VAV3: variants seen among roughly 807,000 people sequenced by gnomAD.
VAV3 encodes guanine nucleotide exchange factor VAV3.
A neutral mutation model predicts 131.2 loss-of-function variants in VAV3; 94 were observed. That is an observed-to-expected ratio of 0.72 (90% CI 0.61 to 0.85). The LOEUF (loss-of-function observed/expected upper bound fraction) is 0.85, where lower values mean the gene tolerates loss of function less well. Ranked by LOEUF, VAV3 falls within the 40% of genes least tolerant of loss-of-function variation. The probability of loss-of-function intolerance (pLI) is 0.00; values close to 1 mark genes in which losing one functional copy is unlikely to be tolerated. For synonymous variants in VAV3, 349 were observed against 342.0 expected (o/e 1.02, Z -0.22); for missense variants, 939 against 1,002.7 (o/e 0.94, Z 0.86).
At chr1:107,803,284 T>A (rs1047490032) in intron 2 of VAV3, among the ~76,000 whole-genome samples, 1 of 152,014 alleles carries the variant, frequency 6.6e-6, no homozygotes, top group Admixed American at 6.6e-5. Flanking sequence ...GAAAACCAAC[T>A]TTTCATTTTT....
chr1:107,684,995 C>T lies in VAV3; in HGVS notation c.1732-1462G>A, dbSNP rs72977609. On this transcript the variant is annotated intron_variant, in intron 18 of 26. Coordinates refer to ENST00000370056, the MANE Select transcript of VAV3 (RefSeq NM_006113.5). ...ATTTACTTGCTACATATCCCATCAT[C>T]TTCTTAATGCACAATAGAAGCTGTC... Among the ~76,000 whole-genome samples, 586 of 152,270 alleles carry T rather than the reference C, an allele frequency of 3.8e-3. 6 individuals are homozygous for T. The highest frequency in any genetic ancestry group is 0.013 in the African/African-American group (553 of 41,558).
intron 26 of VAV3, 105 bp downstream of exon 26, chr1:107,573,942 G>GCTGTAATACAGTATAGAGGCTTCTCTATA: frequency 1.4e-6 from 2 of 1,432,412 alleles, no homozygotes; most frequent in Non-Finnish European, 1.9e-6. Flanking sequence ...TGGGCTGAAA[G>GCTGTAATACAGTATAGAGGCTTCTCTATA]CTGTAATACA....
At chr1:107,944,456 G>T (rs1362354181) in intron 1 of VAV3, among the ~76,000 whole-genome samples, 1 of 152,182 alleles carries the variant, frequency 6.6e-6, no homozygotes, top group Non-Finnish European at 1.5e-5. Context: ...GGGAGAGTGT[G>T]TATCCTCCAA....
chr1:107,744,110 G>A (rs949422205), intron 15 of VAV3, among the ~76,000 whole-genome samples: 2 of 152,174 alleles, frequency 1.3e-5, no homozygotes, highest in African/African-American at 2.4e-5. Flanking sequence ...AGGGGCTGCC[G>A]CTCCGGATGA....
chr1:107,870,028 C>T lies in VAV3; in HGVS notation c.321+4873G>A, dbSNP rs144750845. Among the ~76,000 whole-genome samples the T allele has an allele frequency of 5.5e-3, 840 of 152,226 alleles. 11 individuals are homozygous for T. The highest frequency in any genetic ancestry group is 0.019 in the African/African-American group (787 of 41,528). On this transcript the variant is annotated intron_variant, in intron 2 of 26. Transcript: ENST00000370056. ...CCGTCATATATACAATTTCTTTATC[C>T]ACATTGATTGACGGGCATTTGGGCT... is the stretch of plus-strand genomic sequence containing the variant.
intron 19 of VAV3, among the ~76,000 whole-genome samples, chr1:107,664,060 T>C (rs1657232891): frequency 6.6e-6 from 1 of 152,212 alleles, no homozygotes; most frequent in Non-Finnish European, 1.5e-5. Flanking sequence ...GCTGGCTCAT[T>C]AACAAACCAT....
intron 17 of VAV3, among the ~76,000 whole-genome samples, chr1:107,691,734 G>T (rs1446431601): frequency 2.0e-5 from 3 of 152,048 alleles, no homozygotes; most frequent in African/African-American, 7.2e-5. Context: ...CCCTCAAGGG[G>T]TTTATACCTT....
rs144382987 is a variant in VAV3, at chr1:107,862,451, T to C, written c.321+12450A>G. Among the ~76,000 whole-genome samples, 353 of 151,450 alleles carry C rather than the reference T, an allele frequency of 2.3e-3. 9 individuals carry two copies. Among genetic ancestry groups the C allele is most frequent in the Non-Finnish European group, 4.2e-3 (286 of 67,754 alleles). ...CAGAAAATAAACATGGAAAGTGCCA[T>C]CCTCCTTTTCTAGGAGATCTTGTTG... On this transcript the variant is annotated intron_variant, in intron 2 of 26. Transcript: ENST00000370056.
At chr1:107,798,555 TA>T (rs1009979513) in intron 2 of VAV3, among the ~76,000 whole-genome samples, 21 of 151,694 alleles carry the variant, frequency 1.4e-4, no homozygotes, top group African/African-American at 5.1e-4. Context: ...TCATCTCTAC[TA>T]AAAATACAAA....
At chr1:107,807,021 C>A (rs1557859052) in intron 2 of VAV3, among the ~76,000 whole-genome samples, 1 of 152,138 alleles carries the variant, frequency 6.6e-6, no homozygotes, top group African/African-American at 2.4e-5. Flanking sequence ...AAAGGATGTA[C>A]GTGTTCAGTA....
intron 22 of VAV3, 113 bp downstream of exon 22, chr1:107,609,818 T>C (rs1179132801): frequency 1.8e-6 from 2 of 1,114,874 alleles, no homozygotes; most frequent in Non-Finnish European, 2.6e-6. Flanking sequence ...TGAAAACACC[T>C]TTAGCCGAGA....
intron 1 of VAV3, among the ~76,000 whole-genome samples, chr1:107,949,128 A>T (rs899657748): frequency 6.6e-6 from 1 of 152,238 alleles, no homozygotes; most frequent in Non-Finnish European, 1.5e-5. Flanking sequence ...ATTAATTAAA[A>T]GCCCTTAGGC....
intron 2 of VAV3, among the ~76,000 whole-genome samples, chr1:107,867,582 A>T (rs1670057391): frequency 6.6e-6 from 1 of 152,298 alleles, no homozygotes; most frequent in African/African-American, 2.4e-5. Context: ...AAAAAAAGGT[A>T]GCCTTGGAAC....
At chr1:107,808,801 G>T (rs1037297473) in intron 2 of VAV3, among the ~76,000 whole-genome samples, 1 of 152,136 alleles carries the variant, frequency 6.6e-6, no homozygotes, top group African/African-American at 2.4e-5. Context: ...TTGAACAAAT[G>T]AAGTTTTTTT....
At chr1:107,952,785 C>G (rs560958708) in intron 1 of VAV3, among the ~76,000 whole-genome samples, 1 of 152,144 alleles carries the variant, frequency 6.6e-6, no homozygotes, top group South Asian at 2.1e-4. Context: ...TTTGAATACC[C>G]AGCATCTACT....
Position 107,772,742 on chromosome 1 carries a change from T to A in VAV3, c.548A>T (p.His183Leu). 1 of 1,613,054 alleles carries A rather than the reference T, an allele frequency of 6.2e-7. No individual in the cohort carries two copies. Reference protein sequence around the residue: ...YEDLMKAEEAHQPKCPENDIR... With the variant: ...YEDLMKAEEALQPKCPENDIR... ...AACAAGTAAAAGTCCTACGGGCTGA[T>A]GTGCTTCCTCTGCCTTCATTAAGTC... Residue 183 changes from histidine to leucine, a missense_variant, in exon 5 of 27, where the codon CAT (histidine) becomes CTT (leucine). His to Leu is a moderately conservative substitution (Grantham distance 99). Transcript: ENST00000370056.
At chr1:107,735,108 C>A (rs1273265063) in intron 15 of VAV3, among the ~76,000 whole-genome samples, 1 of 152,182 alleles carries the variant, frequency 6.6e-6, no homozygotes, top group Non-Finnish European at 1.5e-5. Context: ...TGAATGACTA[C>A]TGGGTAAATT....
chr1:107,593,687 T>C (rs1354614786), intron 25 of VAV3, among the ~76,000 whole-genome samples: 1 of 152,082 alleles, frequency 6.6e-6, no homozygotes, highest in Admixed American at 6.6e-5. Context: ...CTGGGATGTA[T>C]AAAATGCATA....
At chr1:107,927,550 C>A (rs1206049233) in intron 1 of VAV3, among the ~76,000 whole-genome samples, 1 of 152,062 alleles carries the variant, frequency 6.6e-6, no homozygotes, top group East Asian at 1.9e-4. Context: ...AGAGAGCCCA[C>A]TGCCCTGTAA....
Sources: gnomAD v4.1 joint callset for allele counts (sites outside exome capture counted in the v4.1 genomes callset) on GRCh38, gnomAD v4.1.1 for gene constraint, MANE v1.5 for transcripts, NCBI Gene and HGNC (gene_info 2026-07-23, HGNC 2026-07-21) for gene names.